SHISA9: variants seen among roughly 807,000 people sequenced by gnomAD.
SHISA9 encodes the protein protein shisa-9.
SHISA9 carries 13 observed loss-of-function variants against 38.0 expected under a neutral mutation model. That is an observed-to-expected ratio of 0.34 (90% CI 0.22 to 0.54). The LOEUF (loss-of-function observed/expected upper bound fraction) is 0.54. Among genes scored for constraint, SHISA9 ranks in the 20% least tolerant of loss-of-function variants. The probability of loss-of-function intolerance (pLI) is 0.91; values close to 1 mark genes in which losing one functional copy is unlikely to be tolerated. For synonymous variants in SHISA9, 275 were observed against 242.0 expected (o/e 1.14, Z -1.27); for missense variants, 538 against 575.8 (o/e 0.93, Z 0.67).
the SHISA9 span, among the ~76,000 whole-genome samples, chr16:13,306,544 T>A: frequency 6.6e-6 from 1 of 152,170 alleles, no homozygotes; most frequent in African/African-American, 2.4e-5. Context: ...CTGCTCAGGA[T>A]CTCTCTGAAG....
At chr16:13,375,227 C>T in the SHISA9 span, among the ~76,000 whole-genome samples, 1 of 152,136 alleles carries the variant, frequency 6.6e-6, no homozygotes. Context: ...TTTGGTGTTT[C>T]AGTCATGAAG....
At chr16:13,170,320 G>T (rs2050674959) in intron 2 of SHISA9, among the ~76,000 whole-genome samples, 1 of 152,148 alleles carries the variant, frequency 6.6e-6, no homozygotes, top group Admixed American at 6.5e-5. Flanking sequence ...GTGAGTGCCT[G>T]AGATACAATG....
the SHISA9 span, among the ~76,000 whole-genome samples, chr16:13,489,025 G>A: frequency 6.6e-6 from 1 of 152,012 alleles, no homozygotes; most frequent in Non-Finnish European, 1.5e-5. Context: ...TGCCCGCCTC[G>A]GCCTCCCAAA....
chr16:13,140,988 A>G (rs1444225731), intron 2 of SHISA9, among the ~76,000 whole-genome samples: 1 of 152,196 alleles, frequency 6.6e-6, no homozygotes, highest in Non-Finnish European at 1.5e-5. Flanking sequence ...GGACCAGATC[A>G]TGAAAGCCCT....
At chr16:13,395,718 A>G in the SHISA9 span, among the ~76,000 whole-genome samples, 1 of 152,236 alleles carries the variant, frequency 6.6e-6, no homozygotes, top group African/African-American at 2.4e-5. Flanking sequence ...AGAACCTAAG[A>G]CAGTTCTTGG....
intron 2 of SHISA9, among the ~76,000 whole-genome samples, chr16:12,949,497 C>T (rs1303675673): frequency 6.6e-6 from 1 of 152,208 alleles, no homozygotes; most frequent in Non-Finnish European, 1.5e-5. Flanking sequence ...ATGTCAGCCC[C>T]TAGCCACATG....
At chr16:13,420,200 C>T in the SHISA9 span, among the ~76,000 whole-genome samples, 24 of 132,056 alleles carry the variant, frequency 1.8e-4, no homozygotes, top group East Asian at 8.8e-4. Context: ...GAGCGGAGAT[C>T]GCACCACTGC....
At chr16:13,256,942 G>A in the SHISA9 span, among the ~76,000 whole-genome samples, 1 of 152,300 alleles carries the variant, frequency 6.6e-6, no homozygotes, top group African/African-American at 2.4e-5. Context: ...CACACAATAT[G>A]TTTGATATAC....
chr16:13,157,163 C>CCCATCCAT (rs955220184), intron 2 of SHISA9, among the ~76,000 whole-genome samples: 6 of 152,034 alleles, frequency 3.9e-5, no homozygotes, highest in East Asian at 1.9e-4. Flanking sequence ...CGTCCATCCC[C>CCCATCCAT]CCATCCATCC....
At chr16:13,413,711 T>C in the SHISA9 span, among the ~76,000 whole-genome samples, 4 of 132,784 alleles carry the variant, frequency 3.0e-5, no homozygotes, top group South Asian at 4.5e-4. Flanking sequence ...TGAGCTGAGA[T>C]TGTGCCATTG....
At chr16:13,271,309 G>T in the SHISA9 span, among the ~76,000 whole-genome samples, 4 of 152,144 alleles carry the variant, frequency 2.6e-5, no homozygotes, top group Non-Finnish European at 1.5e-5. Context: ...CACCTGGAAA[G>T]CTTTGGAAAC....
rs569437748 is a variant in SHISA9 at position 13,181,567 on chromosome 16, T to C, written c.692-21827T>C. Among the ~76,000 whole-genome samples the C allele has an allele frequency of 2.0e-5, 3 of 152,026 alleles. No homozygotes were observed. The South Asian group carries it at 6.2e-4, about 32-fold the overall frequency. ...GACCTTGTCATACATGGTATGGGTT[T>C]TGATTTTATTCTAAAGTGCAGCGGG... On this transcript the variant is annotated intron_variant, in intron 2 of 4. Transcript: ENST00000558583.
At chr16:13,213,651 G>T (rs898293183) in intron 4 of SHISA9, among the ~76,000 whole-genome samples, 1 of 152,152 alleles carries the variant, frequency 6.6e-6, no homozygotes, top group Non-Finnish European at 1.5e-5. Flanking sequence ...ATGGGGGCGG[G>T]GCGGGGGAAG....
chr16:13,234,760 G>C (rs566894413), intron 4 of SHISA9, among the ~76,000 whole-genome samples: 9 of 152,214 alleles, frequency 5.9e-5, no homozygotes, highest in Admixed American at 3.9e-4. Flanking sequence ...TGGGACTGTG[G>C]GGGGAGAAGT....
chr16:13,404,477 G>A, the SHISA9 span, among the ~76,000 whole-genome samples: 1 of 151,894 alleles, frequency 6.6e-6, no homozygotes, highest in Non-Finnish European at 1.5e-5. Flanking sequence ...AGAAGGGAAG[G>A]TAATTCCAGG....
chr16:13,185,799 C>T (rs1596711467), intron 2 of SHISA9, among the ~76,000 whole-genome samples: 2 of 152,156 alleles, frequency 1.3e-5, no homozygotes, highest in East Asian at 3.9e-4. Flanking sequence ...ATAAATTTGC[C>T]CAATCTCTAA....
intron 2 of SHISA9, among the ~76,000 whole-genome samples, chr16:12,968,112 TC>T (rs1291873571): frequency 1.4e-5 from 2 of 141,118 alleles, no homozygotes; most frequent in Non-Finnish European, 3.0e-5. Flanking sequence ...ATCAGTTGAA[TC>T]CCAGAGGCAA....
At chr16:13,438,616 C>G in the SHISA9 span, among the ~76,000 whole-genome samples, 20 of 152,222 alleles carry the variant, frequency 1.3e-4, no homozygotes, top group African/African-American at 3.9e-4. Context: ...TTCGGTATTT[C>G]TCAAAAATGT....
chr16:13,434,419 G>GTTTTTTGTTTTTTTT, the SHISA9 span, among the ~76,000 whole-genome samples: 1 of 64,566 alleles, frequency 1.5e-5, no homozygotes, highest in Non-Finnish European at 3.2e-5. Context: ...GACAAGCTAT[G>GTTTTTTGTTTTTTTT]TTTTTTTTTT....
Sources: gnomAD v4.1 joint callset for allele counts (sites outside exome capture counted in the v4.1 genomes callset) on GRCh38, gnomAD v4.1.1 for gene constraint, MANE v1.5 for transcripts, NCBI Gene and HGNC (gene_info 2026-07-23, HGNC 2026-07-21) for gene names.